Variants in WDFY4 observed in about 807,000 individuals in gnomAD.
WDFY4 encodes the protein WD repeat- and FYVE domain-containing protein 4.
WDFY4 carries 169 observed loss-of-function variants against 351.9 expected under a neutral mutation model. The ratio of observed to expected loss-of-function variants is 0.48; its 90% CI spans 0.42 to 0.55. The LOEUF (loss-of-function observed/expected upper bound fraction) is 0.55, where lower values mean the gene tolerates loss of function less well. Among genes scored for constraint, WDFY4 ranks in the 20% least tolerant of loss-of-function variants. The probability of loss-of-function intolerance (pLI) is 0.00; values close to 1 mark genes in which losing one functional copy is unlikely to be tolerated. For synonymous variants in WDFY4, 1,622 were observed against 1,574.6 expected (o/e 1.03, Z -0.71); for missense variants, 3,803 against 3,935.6 (o/e 0.97, Z 0.90).
intron 39 of WDFY4, among the ~76,000 whole-genome samples, chr10:48,835,096 A>G (rs877820): frequency 0.44 from 67,046 of 152,054 alleles, 15,703 homozygotes; most frequent in East Asian, 0.83. Flanking sequence ...TTTATTGAGC[A>G]CTTACTCTGT....
chr10:48,897,480 T>G lies in WDFY4; in HGVS notation c.7343T>G (p.Leu2448Arg). Residue 2448 changes from leucine (L) to arginine (R), a missense_variant, in exon 45 of 62, where the codon CTG becomes CGG. By Grantham distance (102) the Leu-to-Arg change is moderately radical. This residue lies in a region of WDFY4 where 3,054 missense variants were observed against 3,148.6 expected (regional missense o/e 0.97). Transcript: ENST00000325239. Reference protein sequence around the residue: ...SNISDPFIFNLCSKDRSTDHY... With the variant: ...SNISDPFIFNRCSKDRSTDHY... ...ATCAGCGATCCGTTCATTTTCAACC[T>G]GTGCAGCAAAGACAGGTCCACTGAC... 8.4e-6 allele frequency: 13 copies of G among 1,551,742 alleles called. No individual in the cohort carries two copies. Among genetic ancestry groups the G allele is most frequent in the Non-Finnish European group, 1.0e-5 (12 of 1,146,986 alleles).
intron 42 of WDFY4, among the ~76,000 whole-genome samples, chr10:48,875,833 C>G (rs1352915167): frequency 2.0e-5 from 3 of 152,206 alleles, no homozygotes; most frequent in African/African-American, 7.2e-5. Context: ...ATCTTGGGCT[C>G]TGATCCCCAG....
chr10:48,731,545 A>G lies in WDFY4; in HGVS notation c.1565A>G (p.Lys522Arg). Residue 522 changes from lysine (K) to arginine (R), a missense_variant, in exon 9 of 62, where the codon AAG becomes AGG. This residue lies in a region of WDFY4 where 261 missense variants were observed against 330.2 expected (regional missense o/e 0.79). Transcript: ENST00000325239. ...CTGGCACAGCTTCGGAAGCAAGCCA[A>G]GATCATGAGGAAGTCAGGTGCCACT... ...LLLAQLRKQA[K>R]IMRKSGNKVS... 6.4e-7 allele frequency: 1 copy of G among 1,550,946 alleles called. No individual in the cohort carries two copies. The highest frequency in any genetic ancestry group is 8.7e-7 in the Non-Finnish European group (1 of 1,146,856).
At chr10:48,971,729 G>A (rs1185587459) in intron 57 of WDFY4, among the ~76,000 whole-genome samples, 4 of 152,194 alleles carry the variant, frequency 2.6e-5, no homozygotes, top group Admixed American at 1.3e-4. Context: ...GTGAAGGAAT[G>A]AATAGGGCAG....
At chr10:48,833,168 T>TGAGAGAGA (rs1364445874) in intron 39 of WDFY4, among the ~76,000 whole-genome samples, 8 of 106,912 alleles carry the variant, frequency 7.5e-5, no homozygotes, top group Non-Finnish European at 1.0e-4. Flanking sequence ...TGTGTGTGTG[T>TGAGAGAGA]GTGTGAGAGA....
At chr10:48,885,732 C>CTATA (rs1003153527) in intron 43 of WDFY4, among the ~76,000 whole-genome samples, 6 of 151,122 alleles carry the variant, frequency 4.0e-5, no homozygotes, top group African/African-American at 1.5e-4. Context: ...CTCTCTCTCT[C>CTATA]TCTATATATA....
intron 32 of WDFY4, among the ~76,000 whole-genome samples, chr10:48,817,944 CTG>C (rs1231682039): frequency 1.3e-5 from 2 of 152,170 alleles, no homozygotes; most frequent in Non-Finnish European, 2.9e-5. Flanking sequence ...GTCTTATGCT[CTG>C]GGGGTTAGAG....
intron 13 of WDFY4, among the ~76,000 whole-genome samples, chr10:48,768,407 C>A (rs754806497): frequency 7.0e-6 from 1 of 143,028 alleles, no homozygotes; most frequent in African/African-American, 2.9e-5. Context: ...CCTCATGACC[C>A]CCCAACCTTT....
intron 47 of WDFY4, among the ~76,000 whole-genome samples, chr10:48,908,424 A>G (rs1837738900): frequency 6.6e-6 from 1 of 152,238 alleles, no homozygotes; most frequent in South Asian, 2.1e-4. Context: ...GGAATCTGCA[A>G]GAATAAGATC....
intron 9 of WDFY4, among the ~76,000 whole-genome samples, chr10:48,733,376 G>A (rs950403946): frequency 3.3e-5 from 5 of 152,064 alleles, no homozygotes; most frequent in Admixed American, 1.3e-4. Flanking sequence ...GCTGGCATGG[G>A]GATTCAAGGT....
chr10:48,786,129 T>C (rs1589604145), intron 19 of WDFY4, among the ~76,000 whole-genome samples: 1 of 152,202 alleles, frequency 6.6e-6, no homozygotes. Flanking sequence ...TTAATTTTAG[T>C]TTCTGTTTGT....
chr10:48,808,629 G>T (rs142810119), intron 28 of WDFY4, among the ~76,000 whole-genome samples: 5 of 152,140 alleles, frequency 3.3e-5, no homozygotes, highest in African/African-American at 1.2e-4. Context: ...CTGGGCTTGG[G>T]GGTAAAGAGT....
intron 1 of WDFY4, among the ~76,000 whole-genome samples, chr10:48,703,718 G>T (rs1449093376): frequency 6.6e-6 from 1 of 152,140 alleles, no homozygotes; most frequent in Non-Finnish European, 1.5e-5. Flanking sequence ...GAAAGTCAGG[G>T]ATGAAAACAG....
At chr10:48,895,613 A>G (rs1219391287) in intron 44 of WDFY4, among the ~76,000 whole-genome samples, 1 of 152,228 alleles carries the variant, frequency 6.6e-6, no homozygotes, top group Non-Finnish European at 1.5e-5. Flanking sequence ...AACAGAAATC[A>G]ACTTTATTTC....
At chr10:48,738,218 C>A (rs1037780857) in intron 11 of WDFY4, among the ~76,000 whole-genome samples, 5 of 152,142 alleles carry the variant, frequency 3.3e-5, no homozygotes, top group Admixed American at 2.6e-4. Flanking sequence ...ATTTTTGTGT[C>A]CAATGTAGAA....
intron 12 of WDFY4, among the ~76,000 whole-genome samples, chr10:48,753,796 A>C (rs2065251446): frequency 6.6e-6 from 1 of 152,210 alleles, no homozygotes; most frequent in Non-Finnish European, 1.5e-5. Flanking sequence ...TGAGTTGTCC[A>C]ACTTTATCTT....
At chr10:48,765,529 G>A (rs761716890) in intron 13 of WDFY4, among the ~76,000 whole-genome samples, 7 of 152,194 alleles carry the variant, frequency 4.6e-5, no homozygotes, top group Admixed American at 2.0e-4. Context: ...ACTATCATCA[G>A]TTGCTAAAAG....
In WDFY4 at chr10:48,817,346, G is replaced by A. The variant is rs1288335544; in HGVS notation, c.5442G>A (p.Ala1814=). Residue 1814 remains alanine (A), a synonymous_variant, in exon 32 of 62, where the codon GCG becomes GCA. Transcript: ENST00000325239. ...ACCGCACCTACCCCCAGGACCCAGC[G>A]TGGCGAGCCCCGGAGTTCCTCCAGA... ...LVHRTYPQDP[A]WRAPEFLQTL... is the part of the protein sequence containing the mutation. The A allele has an allele frequency of 4.8e-5, 75 of 1,551,518 alleles. No individual in the cohort carries two copies. The highest frequency in any genetic ancestry group is 2.9e-4 in the East Asian group (12 of 40,922).
intron 28 of WDFY4, 112 bp from the exon 29 acceptor site, chr10:48,810,418 A>C: frequency 1.0e-5 from 10 of 970,536 alleles, no homozygotes; most frequent in African/African-American, 1.6e-5. Context: ...AAGTGATGTT[A>C]ACCTTAACTT....
Sources: allele counts gnomAD v4.1 joint callset (sites outside exome capture counted in the v4.1 genomes callset), GRCh38; gene constraint gnomAD v4.1.1; regional missense constraint gnomAD v4.1.1; transcripts MANE v1.5; gene names NCBI Gene and HGNC (gene_info 2026-07-23, HGNC 2026-07-21).